The following CCDC102A variants were observed in gnomAD, a reference collection of about 807,000 sequenced individuals.
CCDC102A encodes the protein coiled-coil domain containing 102A, also known as coiled-coil domain-containing protein 102A.
In CCDC102A, 40 loss-of-function variants were observed where a neutral mutation model predicts 55.5. That is an observed-to-expected ratio of 0.72 (90% confidence interval 0.56 to 0.94). CCDC102A has a LOEUF of 0.94. CCDC102A is among the 40% of genes least tolerant of loss of function. The pLI, the probability that CCDC102A is intolerant of heterozygous loss-of-function variation, is 0.00. For synonymous variants in CCDC102A, 323 were observed against 339.0 expected, an observed-to-expected ratio of 0.95 and a Z score of 0.52; for missense variants, 779 against 768.6, an observed-to-expected ratio of 1.01 and a Z score of -0.16.
intron 1 of CCDC102A, among the ~76,000 whole-genome samples, chr16:57,532,352 T>G (rs2032282225): frequency 6.6e-6 from 1 of 152,114 alleles, no homozygotes; most frequent in Non-Finnish European, 1.5e-5. Flanking sequence ...GCCATACAGA[T>G]CCAGGCTCTG....
chr16:57,525,978 C>T lies in CCDC102A; in HGVS notation c.735G>A (p.Thr245=), dbSNP rs770736875. 23 of 1,611,724 alleles carry T rather than the reference C, an allele frequency of 1.4e-5. No homozygotes were observed. Among genetic ancestry groups the T allele is most frequent in the East Asian group, 1.1e-4 (5 of 44,828 alleles). ...CGGTCAACTTGGAGGCCTCCTCCTC[C>T]GTGGCAGCTGTGTCCTCCCAGGGTA... is the stretch of plus-strand genomic sequence containing the variant. The part of the protein sequence containing the change: ...SRLPWEDTAA[T]EEEASKLTAL... Residue 245 remains threonine (T), a synonymous_variant, in exon 3 of 9, where the codon ACG becomes ACA. Transcript: ENST00000258214.
Position 57,515,432 on chromosome 16 carries a change from G to A in CCDC102A, c.1432C>T (p.His478Tyr). Reference sequence around the variant, plus strand: ...CGCTGCAGCTTACGTGCCTGGTTGTGGGCCTCGTCCAGCTGTGGGGGTGAG... The same window carrying A: ...CGCTGCAGCTTACGTGCCTGGTTGTAGGCCTCGTCCAGCTGTGGGGGTGAG... ...AQAEDELDEA[H>Y]NQARKLQRSL... The change falls in exon 8 of 9, where the codon CAC becomes TAC. Residue 478 changes from histidine to tyrosine, a missense_variant. Coordinates refer to ENST00000258214, the MANE Select transcript of CCDC102A (RefSeq NM_033212.4). 6.2e-7 allele frequency: 1 copy of A among 1,604,084 alleles called. No individual in the cohort carries two copies. The highest frequency in any genetic ancestry group is 1.1e-5 in the South Asian group (1 of 89,516).
intron 4 of CCDC102A, among the ~76,000 whole-genome samples, chr16:57,519,057 C>T (rs1485508085): frequency 6.6e-6 from 1 of 152,212 alleles, no homozygotes; most frequent in Non-Finnish European, 1.5e-5. Context: ...CCCACAAAGC[C>T]TCTGATGGCT....
intron 8 of CCDC102A, among the ~76,000 whole-genome samples, 186 bp downstream of exon 8, chr16:57,515,155 C>T (rs1335031105): frequency 2.6e-5 from 4 of 152,146 alleles, no homozygotes; most frequent in African/African-American, 9.7e-5. Flanking sequence ...GCCTGACTTC[C>T]TGCACCCCCT....
intron 4 of CCDC102A, 62 bp from the exon 5 acceptor site, chr16:57,518,803 CG>C: frequency 2.3e-6 from 3 of 1,328,092 alleles, no homozygotes; most frequent in Non-Finnish European, 2.1e-6. Context: ...GAACCACCTC[CG>C]GGGGTGGGCG....
Position 57,529,335 on chromosome 16 carries a change from A to C in CCDC102A, c.-147-11T>G. 1 of 1,037,868 alleles carries C rather than the reference A, an allele frequency of 9.6e-7. No individual in the cohort carries two copies. The highest frequency in any genetic ancestry group is 1.2e-6 in the Non-Finnish European group (1 of 842,428). The allele number at this position is 1,037,868 out of a possible 1,614,324, so 64.3% of individuals were successfully genotyped here. ...GACGCCTCCTCGGACCTACGGGAGA[A>C]CACAACCGTTATTGGACTGCGACCA... On this transcript the variant is annotated splice_polypyrimidine_tract_variant and intron_variant, in intron 1 of 8. Transcript: ENST00000258214. This position sits in a 1 kb window ranked among gnomAD's most constrained non-coding sequence, Gnocchi z 4.1.
rs761170137 is a variant in CCDC102A at position 57,518,121 on chromosome 16, C to A, written c.1195G>T (p.Ala399Ser). 1 of 1,609,172 alleles carries A rather than the reference C, an allele frequency of 6.2e-7. No homozygotes were observed. The highest frequency in any genetic ancestry group is 1.7e-5 in the Admixed American group (1 of 60,000). Residue 399 changes from alanine to serine, a missense_variant, in exon 6 of 9, where the codon GCA becomes TCA. Physicochemically the swap from Ala to Ser is moderately conservative, Grantham distance 99. Coordinates refer to ENST00000258214, the MANE Select transcript of CCDC102A (RefSeq NM_033212.4). ...LARRRRQTASALDCDLRASQA... is the reference protein window; with the variant it reads ...LARRRRQTASSLDCDLRASQA... ...CTGGCCCTCAGGTCGCAGTCCAGTG[C>A]GCTGGCTGTTTGCCGCCGCCGCCGG...
At chr16:57,525,182 A>G (rs1598075499) in intron 3 of CCDC102A, among the ~76,000 whole-genome samples, 1 of 151,670 alleles carries the variant, frequency 6.6e-6, no homozygotes, top group Non-Finnish European at 1.5e-5. Flanking sequence ...TGCAACCTCC[A>G]CCTCCCGGCT....
At chr16:57,517,082 C>G (rs776550791) in intron 6 of CCDC102A, among the ~76,000 whole-genome samples, 80 of 152,162 alleles carry the variant, frequency 5.3e-4, no homozygotes, top group Admixed American at 1.1e-3. Flanking sequence ...AGCTTCCCCC[C>G]AGCCTGTCTT....
rs1751858681 is a variant in CCDC102A, at chr16:57,518,607, T to C, written c.1038+18A>G. On this transcript the variant is annotated intron_variant, in intron 5 of 8. Coordinates refer to ENST00000258214, the MANE Select transcript of CCDC102A (RefSeq NM_033212.4). ...ACCCCTAAACCCAGGTCCTCCTGGG[T>C]CCCATCCATGGCCTCACCTCGCCCC... is the stretch of plus-strand genomic sequence containing the variant. The C allele has an allele frequency of 6.3e-7, 1 of 1,597,688 alleles. No homozygotes were observed. Among genetic ancestry groups the C allele is most frequent in the African/African-American group, 1.3e-5 (1 of 74,554 alleles).
rs1309166737 is a variant in CCDC102A, at chr16:57,512,713, G to A, written c.*28C>T. ...CCTGGACCCTGGGCAGGTATGGGGC[G>A]GCCCATCCTGCCCAGCCACAGGAAG... On this transcript the variant is annotated 3_prime_UTR_variant, in exon 9 of 9. Transcript: ENST00000258214. The A allele has an allele frequency of 8.7e-6, 14 of 1,605,860 alleles. No individual in the cohort carries two copies. The highest frequency in any genetic ancestry group is 4.4e-5 in the South Asian group (4 of 90,086).
At chr16:57,522,737 C>T (rs906041994) in intron 3 of CCDC102A, among the ~76,000 whole-genome samples, 3 of 152,218 alleles carry the variant, frequency 2.0e-5, no homozygotes, top group Non-Finnish European at 4.4e-5. Flanking sequence ...ACACCTGACT[C>T]GGAGCACATG....
intron 1 of CCDC102A, among the ~76,000 whole-genome samples, chr16:57,531,817 G>A (rs1293305042): frequency 6.6e-6 from 1 of 152,098 alleles, no homozygotes; most frequent in Non-Finnish European, 1.5e-5. Context: ...GGCTTCTCCT[G>A]GCAAACGCCA....
Position 57,516,326 on chromosome 16 carries a change from C to A in CCDC102A, c.1386G>T (p.Glu462Asp). 1.2e-6 allele frequency: 2 copies of A among 1,607,146 alleles called. No homozygotes were observed. Among genetic ancestry groups the A allele is most frequent in the East Asian group, 4.5e-5 (2 of 44,894 alleles). Reference sequence around the variant, plus strand: ...CAGCCTGGGCCAGCTCCTTCTTGAGCTCCTCCACCCGCAGCCGCAGCTTCT... The same window carrying A: ...CAGCCTGGGCCAGCTCCTTCTTGAGATCCTCCACCCGCAGCCGCAGCTTCT... ...EVKKLRLRVE[E>D]LKKELAQAED... is the part of the protein sequence containing the mutation. The change falls in exon 7 of 9, where the codon GAG (glutamate) becomes GAT (aspartate). Residue 462 changes from glutamate (E) to aspartate (D), a missense_variant. Physicochemically the swap from Glu to Asp is conservative, Grantham distance 45. Coordinates refer to ENST00000258214, the MANE Select transcript of CCDC102A (RefSeq NM_033212.4). The surrounding 1 kb of genome is among the most constrained non-coding windows in gnomAD (Gnocchi z 4.4).
intron 1 of CCDC102A, among the ~76,000 whole-genome samples, chr16:57,535,238 G>T (rs1361814854): frequency 6.6e-6 from 1 of 152,218 alleles, no homozygotes; most frequent in Non-Finnish European, 1.5e-5. Context: ...ACCTCTGGGG[G>T]GAGCTGGCTG....
At chr16:57,514,474 A>G (rs2031919165) in intron 8 of CCDC102A, among the ~76,000 whole-genome samples, 1 of 152,220 alleles carries the variant, frequency 6.6e-6, no homozygotes. Context: ...TGTTGGGATT[A>G]CAGGTGTGAG....
In CCDC102A at chr16:57,529,466, T is replaced by G. The variant is rs1197674820; in HGVS notation, c.-147-142A>C. The G allele has an allele frequency of 5.3e-6, 1 of 188,018 alleles. No homozygotes were observed. The highest frequency in any genetic ancestry group is 1.1e-5 in the Non-Finnish European group (1 of 93,556). 11.6% of individuals were successfully genotyped at this position (188,018 alleles called of 1,614,324 possible). A position where few individuals can be genotyped will look rare whatever the true frequency, so the allele number is the denominator to read the frequency against. ...CCAGGAGAGTCCCAATGAGGCAGGA[T>G]TGGTGGAGCAAGGGCCCGCAAAGGC... On this transcript the variant is annotated intron_variant, in intron 1 of 8. Coordinates refer to ENST00000258214, the MANE Select transcript of CCDC102A (RefSeq NM_033212.4). This position sits in a 1 kb window ranked among gnomAD's most constrained non-coding sequence, Gnocchi z 4.1.
At position 57,516,470 on chromosome 16, in the gene CCDC102A, G is replaced by T; in HGVS notation, c.1249-7C>A. The T allele has an allele frequency of 6.2e-7, 1 of 1,605,258 alleles. No individual in the cohort carries two copies. Among genetic ancestry groups the T allele is most frequent in the Non-Finnish European group, 8.5e-7 (1 of 1,179,570 alleles). On this transcript the variant is annotated splice_region_variant and splice_polypyrimidine_tract_variant and intron_variant, in intron 6 of 8. Coordinates refer to ENST00000258214, the MANE Select transcript of CCDC102A (RefSeq NM_033212.4). This position sits in a 1 kb window ranked among gnomAD's most constrained non-coding sequence, Gnocchi z 4.4. Reference sequence around the variant, plus strand: ...GCTTCAGGTCTGCCAGCTCCTACAGGGCACAGGGATGGGGTGGGAGGGAGG... The same window carrying T: ...GCTTCAGGTCTGCCAGCTCCTACAGTGCACAGGGATGGGGTGGGAGGGAGG...
At chr16:57,528,455 G>T in intron 2 of CCDC102A, 138 bp downstream of exon 2, 1 of 546,788 alleles carries the variant, frequency 1.8e-6, no homozygotes, top group Non-Finnish European at 2.4e-6. Context: ...GGCCCCGCAA[G>T]GGTAGAACCC....
Sources: allele counts gnomAD v4.1 joint callset (sites outside exome capture counted in the v4.1 genomes callset), GRCh38; gene constraint gnomAD v4.1.1; non-coding constraint Gnocchi (gnomAD v3.1); transcripts MANE v1.5; gene names NCBI Gene and HGNC (gene_info 2026-07-23, HGNC 2026-07-21).